ARVCF: variants seen among roughly 807,000 people sequenced by gnomAD.
ARVCF encodes the protein ARVCF delta catenin family member, also known as splicing regulator ARVCF.
In ARVCF, 66 loss-of-function variants were observed where a neutral mutation model predicts 90.9. The observed-to-expected ratio is 0.73, with a 90% CI of 0.60 to 0.89. ARVCF has a LOEUF of 0.89. Ranked by LOEUF, ARVCF falls within the 40% of genes least tolerant of loss-of-function variation. ARVCF has a pLI of 0.00. For missense variants in ARVCF, 1,469 were observed against 1,382.3 expected (o/e 1.06, Z -1.00); for synonymous variants, 653 against 603.4 (o/e 1.08, Z -1.21).
At chr22:19,966,323 C>T (rs1404890172), downstream of ARVCF, among the ~76,000 whole-genome samples, 1 of 151,574 alleles carries the variant, frequency 6.6e-6, no homozygotes, top group African/African-American at 2.4e-5. Context: ...GTGAGGGGCT[C>T]AGGAGCAGGT....
At chr22:19,972,662 A>T in intron 16 of ARVCF, 75 bp downstream of exon 16, 1 of 1,464,572 alleles carries the variant, frequency 6.8e-7, no homozygotes, top group Non-Finnish European at 9.1e-7. Flanking sequence ...CTCCTCCTTC[A>T]CCTTCACCCA....
Position 19,980,181 on chromosome 22 carries a change from T to C in ARVCF, c.958A>G (p.Met320Val), listed in dbSNP as rs201982556. 3.0e-5 allele frequency: 47 copies of C among 1,570,334 alleles called. No individual in the cohort carries two copies. The highest frequency in any genetic ancestry group is 3.7e-5 in the Non-Finnish European group (43 of 1,158,886). Residue 320 changes from methionine to valine, a missense_variant, in exon 6 of 20, where the codon ATG becomes GTG. Met to Val is a conservative substitution (Grantham distance 21). Coordinates refer to ENST00000263207, the MANE Select transcript of ARVCF (RefSeq NM_001670.3). ...GGCTGGGCCAGGGGCGCCGTCACCA[T>C]TGGGAACGCAGGCCGCTCGTCCGCC... The part of the protein sequence containing the change: ...ELADERPAFP[M>V]VTAPLAQPER...
chr22:19,980,455 A>G lies in ARVCF; in HGVS notation c.897-213T>C, dbSNP rs1943430969. On this transcript the variant is annotated intron_variant, in intron 5 of 19. Transcript: ENST00000263207. ...CAGAGCCAAATGCCAAACCCCAGCCAGCGGCTACCAGGACCCAGGCAACCC... is the reference window on the plus strand; with the variant it reads ...CAGAGCCAAATGCCAAACCCCAGCCGGCGGCTACCAGGACCCAGGCAACCC... 7 of 666,982 alleles carry G rather than the reference A, an allele frequency of 1.0e-5. No individual in the cohort carries two copies. The South Asian group carries it at 2.9e-4, about 28-fold the overall frequency. 41.3% of individuals were successfully genotyped at this position (666,982 alleles called of 1,614,324 possible).
intron 9 of ARVCF, among the ~76,000 whole-genome samples, chr22:19,977,122 G>A (rs1943199993): frequency 6.6e-6 from 1 of 152,218 alleles, no homozygotes; most frequent in Non-Finnish European, 1.5e-5. Context: ...CCAACTCATG[G>A]GCAAGTGGAA....
chr22:19,977,738 G>A, intron 8 of ARVCF, 152 bp from the exon 9 acceptor site: 1 of 1,221,438 alleles, frequency 8.2e-7, no homozygotes, highest in Non-Finnish European at 1.1e-6. Flanking sequence ...GTAACCGCCA[G>A]GAAGGGTCCA....
At chr22:20,010,554 A>T (rs1401745139) in intron 1 of ARVCF, 46 bp from the exon 2 acceptor site, 1 of 152,238 alleles carries the variant, frequency 6.6e-6, no homozygotes, top group East Asian at 1.9e-4. Context: ...CCAGCTGGGT[A>T]GGTCCCTGCC....
chr22:19,970,811 G>A (rs1000629405), intron 19 of ARVCF, 68 bp from the exon 20 acceptor site: 57 of 1,294,276 alleles, frequency 4.4e-5, no homozygotes, highest in Non-Finnish European at 5.4e-5. Flanking sequence ...GTAACCTCAG[G>A]GCAGGGCAGC....
intron 3 of ARVCF, chr22:19,983,889 G>A (rs533485100): frequency 6.6e-6 from 1 of 152,482 alleles, no homozygotes; most frequent in South Asian, 2.1e-4. Flanking sequence ...GGCAGGCTGG[G>A]CTCTTCTCCA....
chr22:19,967,918 C>T (rs1003858862), downstream of ARVCF, among the ~76,000 whole-genome samples: 5 of 152,258 alleles, frequency 3.3e-5, no homozygotes, highest in African/African-American at 2.4e-5. Flanking sequence ...CCTATGGCTG[C>T]GTGTCCAGTA....
intron 2 of ARVCF, among the ~76,000 whole-genome samples, chr22:19,992,593 T>G (rs1944070261): frequency 6.6e-6 from 1 of 152,128 alleles, no homozygotes; most frequent in African/African-American, 2.4e-5. Flanking sequence ...ACTCCAGCCC[T>G]CAGCCCAGTC....
At chr22:19,981,107 G>A in intron 5 of ARVCF, 104 bp downstream of exon 5, 1 of 1,373,706 alleles carries the variant, frequency 7.3e-7, no homozygotes, top group Non-Finnish European at 9.7e-7. Context: ...TAACATGCAT[G>A]ACTAACTCAA....
At chr22:19,991,908 G>A (rs1944041589) in intron 2 of ARVCF, among the ~76,000 whole-genome samples, 1 of 152,252 alleles carries the variant, frequency 6.6e-6, no homozygotes, top group Admixed American at 6.5e-5. Context: ...AGTCCCGCCA[G>A]CCCACTGAGG....
rs148582811 is a variant in ARVCF at position 19,989,489 on chromosome 22, G to A, written c.210+1096C>T. On this transcript the variant is annotated intron_variant, in intron 3 of 19. Transcript: ENST00000263207. ...TCTGAGCCCCACATGCCCCAGCCAG[G>A]TGAGGAGAGCCCATGGGGCTGCCTC... is the stretch of plus-strand genomic sequence containing the variant. Among the ~76,000 whole-genome samples the A allele has an allele frequency of 3.3e-4, 50 of 152,300 alleles. No individual in the cohort carries two copies. The East Asian group carries it at 8.7e-3, about 26-fold the overall frequency.
intron 16 of ARVCF, 35 bp downstream of exon 16, chr22:19,972,702 G>C: frequency 5.8e-6 from 9 of 1,561,950 alleles, no homozygotes; most frequent in Non-Finnish European, 7.8e-6. Flanking sequence ...AGCTGGGGTC[G>C]CCACCCTCTA....
chr22:19,972,234 C>A, intron 17 of ARVCF, 124 bp downstream of exon 17: 1 of 1,340,248 alleles, frequency 7.5e-7, no homozygotes, highest in Non-Finnish European at 1.0e-6. Context: ...ACCCTCTAAG[C>A]ACCCCTAAAC....
In ARVCF at chr22:19,971,333, G is replaced by A. The variant is rs763645980; in HGVS notation, c.2784C>T (p.Leu928=). The change falls in exon 19 of 20, where the codon CTC becomes CTT. Residue 928 remains leucine (L), a splice_region_variant and synonymous_variant. Coordinates refer to ENST00000263207, the MANE Select transcript of ARVCF (RefSeq NM_001670.3). ...GGGGAGGGGCCTTCCTGCTGGGGTC[G>A]AGCTGCAGCGCACGGGTGGGCATTA... is the stretch of plus-strand genomic sequence containing the variant. ...GEASEKEPLK[L]DPSRKAPPPG... 108 of 1,552,274 alleles carry A rather than the reference G, an allele frequency of 7.0e-5. 1 individual carries two copies. The highest frequency in any genetic ancestry group is 9.1e-5 in the Non-Finnish European group (105 of 1,148,184).
rs1405525006 is a variant in ARVCF, at chr22:19,970,601, G to A, written c.*155C>T. 9 of 1,255,618 alleles carry A rather than the reference G, an allele frequency of 7.2e-6. No individual in the cohort carries two copies. The highest frequency in any genetic ancestry group is 5.7e-5 in the East Asian group (1 of 17,588). The allele number at this position is 1,255,618 out of a possible 1,614,324, so 77.8% of individuals were successfully genotyped here. On this transcript the variant is annotated 3_prime_UTR_variant, in exon 20 of 20. Transcript: ENST00000263207. Reference sequence around the variant, plus strand: ...GGGGAGTGGGGTGGGGGGGCAGGAGGGTGTCCCCAAAGTCAGGCTTGGCTG... The same window carrying A: ...GGGGAGTGGGGTGGGGGGGCAGGAGAGTGTCCCCAAAGTCAGGCTTGGCTG...
intron 1 of ARVCF, among the ~76,000 whole-genome samples, chr22:20,015,811 G>A (rs2531698): frequency 0.31 from 47,798 of 152,164 alleles, 7,972 homozygotes; most frequent in Middle Eastern, 0.39. Flanking sequence ...TAGGGAAAGG[G>A]AGCTGAAGTC....
In ARVCF at chr22:19,972,480, C is replaced by G. The variant is rs551139321; in HGVS notation, c.2642-69G>C. 3.8e-6 allele frequency: 6 copies of G among 1,588,020 alleles called. No homozygotes were observed. In the South Asian group the frequency reaches 5.6e-5, roughly 15 times the overall value. On this transcript the variant is annotated intron_variant, in intron 16 of 19. Transcript: ENST00000263207. Reference sequence around the variant, plus strand: ...GGGGATCGGGGCAGAGAAGCCCACACAGGGCTGGCCCAGGTAGCCCTAGAG... The same window carrying G: ...GGGGATCGGGGCAGAGAAGCCCACAGAGGGCTGGCCCAGGTAGCCCTAGAG...
Sources: allele counts gnomAD v4.1 joint callset (sites outside exome capture counted in the v4.1 genomes callset), GRCh38; gene constraint gnomAD v4.1.1; transcripts MANE v1.5; gene names NCBI Gene and HGNC (gene_info 2026-07-23, HGNC 2026-07-21).